Variants in CORIN observed in about 807,000 individuals in gnomAD.
CORIN encodes the protein corin, serine peptidase.
A neutral mutation model predicts 125.3 loss-of-function variants in CORIN; 117 were observed. The observed-to-expected ratio is 0.93, with a 90% CI of 0.80 to 1.09. The LOEUF (loss-of-function observed/expected upper bound fraction) is 1.09. CORIN is among the 50% of genes least tolerant of loss of function. The probability of loss-of-function intolerance (pLI) is 0.00; values close to 1 mark genes in which losing one functional copy is unlikely to be tolerated. For synonymous variants in CORIN, 450 were observed against 466.4 expected, an observed-to-expected ratio of 0.96 and a Z score of 0.45; for missense variants, 1,253 against 1,306.7, an observed-to-expected ratio of 0.96 and a Z score of 0.63.
At chr4:47,707,280 AAAG>A (rs1242431905) in intron 5 of CORIN, among the ~76,000 whole-genome samples, 1 of 152,222 alleles carries the variant, frequency 6.6e-6, no homozygotes. Flanking sequence ...AAGAGAAAAA[AAAG>A]AAAACTACCA....
intron 3 of CORIN, among the ~76,000 whole-genome samples, chr4:47,771,719 T>C (rs1730040355): frequency 6.6e-6 from 1 of 152,194 alleles, no homozygotes; most frequent in Admixed American, 6.5e-5. Flanking sequence ...AGGTCTTAAC[T>C]AACTGTAAAC....
chr4:47,740,687 T>C (rs933908745), intron 5 of CORIN, among the ~76,000 whole-genome samples: 2 of 151,920 alleles, frequency 1.3e-5, no homozygotes, highest in African/African-American at 4.8e-5. Flanking sequence ...AAGTAATCCT[T>C]AAAAAGTTAA....
In CORIN at chr4:47,776,365, A is replaced by G. The variant is rs573405791; in HGVS notation, c.409+10360T>C. On this transcript the variant is annotated intron_variant, in intron 3 of 21. Transcript: ENST00000273857. ...CAATGGTGAGATCTCGGCTCACTTGAACTTCAGCCTCCCAGGCTCAAGTTG... is the reference window on the plus strand; with the variant it reads ...CAATGGTGAGATCTCGGCTCACTTGGACTTCAGCCTCCCAGGCTCAAGTTG... Among the ~76,000 whole-genome samples the G allele has an allele frequency of 1.6e-4, 24 of 149,912 alleles. 1 individual carries two copies. In the South Asian group the frequency reaches 4.9e-3, roughly 31 times the overall value.
At chr4:47,772,972 T>A (rs1156449987) in intron 3 of CORIN, among the ~76,000 whole-genome samples, 1 of 152,172 alleles carries the variant, frequency 6.6e-6, no homozygotes, top group Non-Finnish European at 1.5e-5. Flanking sequence ...AAAATTGAAC[T>A]ACTTAGTTTT....
intron 3 of CORIN, among the ~76,000 whole-genome samples, chr4:47,765,273 T>C (rs1303061180): frequency 1.3e-5 from 2 of 150,360 alleles, no homozygotes; most frequent in East Asian, 3.9e-4. Flanking sequence ...ATCGCGCCAC[T>C]GCACCCCAGC....
chr4:47,774,604 G>A (rs938332933), intron 3 of CORIN, among the ~76,000 whole-genome samples: 16 of 152,118 alleles, frequency 1.1e-4, no homozygotes, highest in Non-Finnish European at 1.5e-4. Flanking sequence ...GAGTCAGCAC[G>A]AAAGGGAAAT....
chr4:47,829,708 A>G (rs1317933998), intron 1 of CORIN, among the ~76,000 whole-genome samples: 1 of 152,244 alleles, frequency 6.6e-6, no homozygotes, highest in Non-Finnish European at 1.5e-5. Context: ...CAGTGGTGTC[A>G]GGAAAGATAC....
rs567616366 is a variant in CORIN at position 47,814,038 on chromosome 4, T to C, written c.64-6991A>G. The stretch of plus-strand genomic sequence containing the variant: ...GCTTACAATGTTAAAAACAAACAAC[T>C]AAAAAGAAAAAAATCATCCAAAATC... On this transcript the variant is annotated intron_variant, in intron 1 of 21. Coordinates refer to ENST00000273857, the MANE Select transcript of CORIN (RefSeq NM_006587.4). 6.0e-5 allele frequency among the ~76,000 whole-genome samples: 9 copies of C among 149,710 alleles called. No homozygotes were observed. The South Asian group carries it at 2.0e-3, about 32-fold the overall frequency.
At chr4:47,758,227 TA>T (rs1232896651) in intron 4 of CORIN, among the ~76,000 whole-genome samples, 2 of 151,982 alleles carry the variant, frequency 1.3e-5, no homozygotes, top group Non-Finnish European at 2.9e-5. Context: ...AAATATATTT[TA>T]AAAACCCAAT....
chr4:47,786,497 C>T (rs1049662940), intron 3 of CORIN, among the ~76,000 whole-genome samples: 1 of 152,104 alleles, frequency 6.6e-6, no homozygotes, highest in African/African-American at 2.4e-5. Context: ...GGTCAGATTG[C>T]ACCACTGCAC....
chr4:47,710,661 C>T (rs975344603), intron 5 of CORIN, among the ~76,000 whole-genome samples: 8 of 152,242 alleles, frequency 5.3e-5, no homozygotes, highest in African/African-American at 1.9e-4. Flanking sequence ...CTGCTGTTGC[C>T]AATCTGTGCC....
intron 6 of CORIN, among the ~76,000 whole-genome samples, chr4:47,687,360 G>A (rs1237499903): frequency 6.6e-6 from 1 of 152,138 alleles, no homozygotes; most frequent in Non-Finnish European, 1.5e-5. Context: ...GCAATTTGGG[G>A]CCAGCAAATC....
chr4:47,774,508 A>AT (rs984965964), intron 3 of CORIN, among the ~76,000 whole-genome samples: 17 of 152,288 alleles, frequency 1.1e-4, no homozygotes, highest in African/African-American at 3.6e-4. Context: ...TAAAATTATT[A>AT]TTTTTAAAAG....
chr4:47,693,121 T>C (rs1300948314), intron 5 of CORIN, 38 bp from the exon 6 acceptor site: 2 of 1,328,724 alleles, frequency 1.5e-6, no homozygotes, highest in Admixed American at 1.8e-5. Flanking sequence ...CAGAATAAGA[T>C]GGGTTTTTTT....
intron 21 of CORIN, among the ~76,000 whole-genome samples, chr4:47,599,694 G>A (rs1379490226): frequency 6.6e-6 from 1 of 152,174 alleles, no homozygotes; most frequent in African/African-American, 2.4e-5. Flanking sequence ...TTGAGGACAT[G>A]CTGGCAATCA....
rs573590767 is a variant in CORIN, at chr4:47,735,941, T to A, written c.799+8461A>T. ...CAGCCTGGGCGACAGAGACTCCATC[T>A]TAAAAAAAAAAAAAAAAAAAAAAAG... On this transcript the variant is annotated intron_variant, in intron 5 of 21. Transcript: ENST00000273857. 3.2e-3 allele frequency among the ~76,000 whole-genome samples: 378 copies of A among 116,472 alleles called. 2 individuals are homozygous for A. The highest frequency in any genetic ancestry group is 0.012 in the African/African-American group (347 of 29,750). 76.4% of individuals were successfully genotyped at this position (116,472 alleles called of 152,430 possible). A position where few individuals can be genotyped will look rare whatever the true frequency, so the allele number is the denominator to read the frequency against.
chr4:47,608,740 C>A (rs28424168), intron 19 of CORIN, among the ~76,000 whole-genome samples: 40,754 of 151,776 alleles, frequency 0.27, 5,587 homozygotes, highest in Admixed American at 0.35. Flanking sequence ...TAGAGAAAAA[C>A]AAAAACTCAG....
At chr4:47,614,343 C>T (rs1721990260) in intron 19 of CORIN, among the ~76,000 whole-genome samples, 1 of 151,960 alleles carries the variant, frequency 6.6e-6, no homozygotes, top group Non-Finnish European at 1.5e-5. Context: ...TTACAGGAGC[C>T]CACCACCATG....
intron 3 of CORIN, among the ~76,000 whole-genome samples, chr4:47,777,018 T>C (rs1296274606): frequency 6.6e-6 from 1 of 152,214 alleles, no homozygotes; most frequent in Non-Finnish European, 1.5e-5. Flanking sequence ...ATCATGTTTG[T>C]TTCTGAGCCT....
Sources: allele counts gnomAD v4.1 joint callset (sites outside exome capture counted in the v4.1 genomes callset), GRCh38; gene constraint gnomAD v4.1.1; transcripts MANE v1.5; gene names NCBI Gene and HGNC (gene_info 2026-07-23, HGNC 2026-07-21).